OXR1: variants seen among roughly 807,000 people sequenced by gnomAD.
The protein encoded by OXR1 is oxidation resistance protein 1.
OXR1 carries 41 observed loss-of-function variants against 104.6 expected under a neutral mutation model. The ratio of observed to expected loss-of-function variants is 0.39; its 90% CI spans 0.31 to 0.51. The LOEUF (loss-of-function observed/expected upper bound fraction) is 0.51. Among genes scored for constraint, OXR1 ranks in the 20% least tolerant of loss-of-function variants. OXR1 has a pLI of 0.77. For synonymous variants in OXR1, 348 were observed against 348.4 expected, an observed-to-expected ratio of 1.00 and a Z score of 0.01; for missense variants, 955 against 1,031.9, an observed-to-expected ratio of 0.93 and a Z score of 1.02.
At chr8:106,566,489 T>A (rs1258029498) in intron 3 of OXR1, among the ~76,000 whole-genome samples, 1 of 152,164 alleles carries the variant, frequency 6.6e-6, no homozygotes, top group Admixed American at 6.5e-5. Context: ...GGAGAAAATG[T>A]GGAGAAATAG....
intron 2 of OXR1, among the ~76,000 whole-genome samples, chr8:106,375,622 G>T (rs1002594934): frequency 6.6e-6 from 1 of 152,190 alleles, no homozygotes; most frequent in African/African-American, 2.4e-5. Context: ...AAGGGATGGG[G>T]TCATGTTACA....
intron 7 of OXR1, among the ~76,000 whole-genome samples, chr8:106,694,912 C>A (rs867083001): frequency 5.6e-5 from 6 of 107,676 alleles, no homozygotes; most frequent in South Asian, 2.7e-4. Context: ...TATCTATTTA[C>A]ATATTTATAT....
chr8:106,343,633 A>G (rs1214834175), intron 1 of OXR1, among the ~76,000 whole-genome samples: 2 of 152,184 alleles, frequency 1.3e-5, no homozygotes, highest in African/African-American at 4.8e-5. Flanking sequence ...AGGAATCACC[A>G]TTGCTAGTAA....
At chr8:106,380,088 T>C (rs1408362087) in intron 2 of OXR1, among the ~76,000 whole-genome samples, 1 of 152,052 alleles carries the variant, frequency 6.6e-6, no homozygotes, top group Non-Finnish European at 1.5e-5. Context: ...TTAGCAGTCA[T>C]TCCTTCTTTC....
intron 2 of OXR1, among the ~76,000 whole-genome samples, chr8:106,485,970 T>G (rs1810627367): frequency 1.4e-5 from 2 of 144,050 alleles, no homozygotes; most frequent in African/African-American, 2.6e-5. Context: ...GGGGTGGGGG[T>G]GGAGTTTGAG....
chr8:106,554,617 G>A (rs1394178818), intron 3 of OXR1, among the ~76,000 whole-genome samples: 1 of 152,112 alleles, frequency 6.6e-6, no homozygotes, highest in East Asian at 1.9e-4. Context: ...TGCCATTATT[G>A]CAACTTTACT....
chr8:106,726,260 A>G (rs1833334835), intron 11 of OXR1: 1 of 1,529,364 alleles, frequency 6.5e-7, no homozygotes, highest in Non-Finnish European at 8.7e-7. Context: ...CGTCTCTGGT[A>G]TGGGAAAAAA....
intron 2 of OXR1, among the ~76,000 whole-genome samples, chr8:106,374,571 C>T (rs553683999): frequency 1.3e-4 from 20 of 152,278 alleles, no homozygotes; most frequent in African/African-American, 4.8e-4. Context: ...ACAGAGGTCA[C>T]ATAAATGATA....
chr8:106,586,312 A>G (rs1242557061), intron 3 of OXR1, among the ~76,000 whole-genome samples: 4 of 152,116 alleles, frequency 2.6e-5, no homozygotes, highest in Admixed American at 2.6e-4. Flanking sequence ...GTGAAGGAGT[A>G]GAAAGAAAGA....
At chr8:106,307,233 G>C (rs918512300) in intron 1 of OXR1, among the ~76,000 whole-genome samples, 2 of 152,144 alleles carry the variant, frequency 1.3e-5, no homozygotes, top group Non-Finnish European at 2.9e-5. Context: ...CTCCTTTTCA[G>C]TATAAGTTTG....
At chr8:106,289,740 G>A (rs993600156) in intron 1 of OXR1, among the ~76,000 whole-genome samples, 1 of 152,066 alleles carries the variant, frequency 6.6e-6, no homozygotes, top group Non-Finnish European at 1.5e-5. Context: ...CACTGATATG[G>A]GTTGGCTATG....
chr8:106,712,365 C>T (rs994446632), intron 10 of OXR1, among the ~76,000 whole-genome samples: 2 of 151,974 alleles, frequency 1.3e-5, no homozygotes, highest in Non-Finnish European at 2.9e-5. Flanking sequence ...TCTTGGGCAG[C>T]CTAAAAGTTT....
intron 12 of OXR1, among the ~76,000 whole-genome samples, chr8:106,738,382 T>C (rs1834597411): frequency 1.3e-5 from 2 of 152,058 alleles, no homozygotes; most frequent in Admixed American, 1.3e-4. Flanking sequence ...GAATGAGTAT[T>C]TAGCTTCTTG....
intron 3 of OXR1, among the ~76,000 whole-genome samples, chr8:106,667,020 A>G (rs1009948237): frequency 2.6e-5 from 4 of 152,208 alleles, no homozygotes; most frequent in African/African-American, 9.6e-5. Flanking sequence ...TCAAGTACTC[A>G]CAAGACAGAT....
At chr8:106,525,940 T>C (rs374286157) in intron 3 of OXR1, among the ~76,000 whole-genome samples, 4 of 152,356 alleles carry the variant, frequency 2.6e-5, no homozygotes, top group African/African-American at 9.6e-5. Flanking sequence ...ATAAATGAAT[T>C]AAATAAATAT....
At chr8:106,713,124 A>G (rs28921432) in intron 10 of OXR1, among the ~76,000 whole-genome samples, 1 of 152,020 alleles carries the variant, frequency 6.6e-6, no homozygotes, top group African/African-American at 2.4e-5. Context: ...AAATCATTAT[A>G]TTGAAAATAT....
chr8:106,617,367 G>C (rs1176130120), intron 3 of OXR1, among the ~76,000 whole-genome samples: 1 of 152,136 alleles, frequency 6.6e-6, no homozygotes, highest in Admixed American at 6.5e-5. Context: ...AGGTTGCAGT[G>C]AGCTGAGATG....
chr8:106,736,396 G>C (rs944442555), intron 11 of OXR1, among the ~76,000 whole-genome samples: 9 of 152,186 alleles, frequency 5.9e-5, no homozygotes, highest in South Asian at 2.1e-4. Flanking sequence ...CTGGTAGCCA[G>C]TTCCTTTTAG....
intron 1 of OXR1, among the ~76,000 whole-genome samples, chr8:106,280,605 G>C (rs1563691943): frequency 6.6e-6 from 1 of 152,160 alleles, no homozygotes; most frequent in Non-Finnish European, 1.5e-5. Context: ...AGTGTTTAAT[G>C]GGTACAGAGT....
Sources: allele counts gnomAD v4.1 joint callset (sites outside exome capture counted in the v4.1 genomes callset), GRCh38; gene constraint gnomAD v4.1.1; transcripts MANE v1.5; gene names NCBI Gene and HGNC (gene_info 2026-07-23, HGNC 2026-07-21).